Variants in DIAPH3 observed in about 807,000 individuals in gnomAD.
DIAPH3 encodes protein diaphanous homolog 3.
A neutral mutation model predicts 144.3 loss-of-function variants in DIAPH3; 117 were observed. The observed-to-expected ratio is 0.81, with a 90% CI of 0.70 to 0.95. The LOEUF is 0.95. DIAPH3 is among the 40% of genes least tolerant of loss of function. DIAPH3 has a pLI of 0.00. For missense variants in DIAPH3, 1,421 were observed against 1,412.7 expected, an observed-to-expected ratio of 1.01 and a Z score of -0.09; for synonymous variants, 519 against 488.9, an observed-to-expected ratio of 1.06 and a Z score of -0.81.
intron 9 of DIAPH3, among the ~76,000 whole-genome samples, chr13:59,995,993 G>C (rs964354061): frequency 2.0e-5 from 3 of 152,020 alleles, no homozygotes; most frequent in African/African-American, 7.2e-5. Context: ...AAAACCATAA[G>C]TGAGGTAGAA....
intron 17 of DIAPH3, 115 bp from the exon 18 acceptor site, chr13:59,924,985 A>T (rs878942333): frequency 1.4e-6 from 2 of 1,452,306 alleles, no homozygotes; most frequent in African/African-American, 2.9e-5. Context: ...CTTCTAAATA[A>T]AAGTTATAAA....
intron 25 of DIAPH3, among the ~76,000 whole-genome samples, chr13:59,779,043 C>A (rs565093744): frequency 2.8e-4 from 42 of 152,306 alleles, no homozygotes; most frequent in African/African-American, 9.9e-4. Flanking sequence ...TTCCAACCAT[C>A]CCAACCTGTT....
intron 5 of DIAPH3, among the ~76,000 whole-genome samples, chr13:60,027,201 T>C (rs2054434268): frequency 6.6e-6 from 1 of 152,186 alleles, no homozygotes; most frequent in African/African-American, 2.4e-5. Flanking sequence ...GCATGCCCTG[T>C]GGGGCAAGAC....
chr13:59,689,847 T>A (rs2033412137), intron 27 of DIAPH3, among the ~76,000 whole-genome samples: 1 of 151,786 alleles, frequency 6.6e-6, no homozygotes. Context: ...AGTAAGCTGA[T>A]CACAGAAAAC....
At chr13:59,815,783 C>G (rs982930962) in intron 24 of DIAPH3, among the ~76,000 whole-genome samples, 3 of 152,012 alleles carry the variant, frequency 2.0e-5, no homozygotes, top group African/African-American at 7.2e-5. Context: ...ATATATGCTA[C>G]TGATAATTTT....
At position 60,016,082 on chromosome 13, in the gene DIAPH3, A is replaced by C. The variant is rs977471413; in HGVS notation, c.690T>G (p.Ile230Met). ...TTAGCAATACTTACATTTTTCCACTAATCAGTTTTTCCAAAATGTCTAATA... is the reference window on the plus strand; with the variant it reads ...TTAGCAATACTTACATTTTTCCACTCATCAGTTTTTCCAAAATGTCTAATA... The part of the protein sequence containing the change: ...GLLLDILEKL[I>M]SGKIQEKVVK... The change falls in exon 6 of 28, where the codon ATT (isoleucine) becomes ATG (methionine). Residue 230 changes from isoleucine (I) to methionine (M), a missense_variant. Ile to Met is a conservative substitution (Grantham distance 10, BLOSUM62 1). Transcript: ENST00000400324. The C allele has an allele frequency of 6.2e-7, 1 of 1,613,524 alleles. No individual in the cohort carries two copies. Among genetic ancestry groups the C allele is most frequent in the Non-Finnish European group, 8.5e-7 (1 of 1,179,676 alleles).
intron 20 of DIAPH3, among the ~76,000 whole-genome samples, chr13:59,911,160 C>A (rs1221686609): frequency 6.6e-6 from 1 of 152,064 alleles, no homozygotes; most frequent in Admixed American, 6.6e-5. Context: ...TGATAAAAAT[C>A]TTAAAATTTT....
chr13:59,972,967 AT>A (rs1446629492), intron 15 of DIAPH3, among the ~76,000 whole-genome samples: 8 of 152,202 alleles, frequency 5.3e-5, no homozygotes, highest in South Asian at 2.1e-4. Context: ...AAATGCCCAC[AT>A]TTCATAAGAA....
At chr13:59,951,320 G>A (rs946326776) in intron 17 of DIAPH3, among the ~76,000 whole-genome samples, 10 of 152,206 alleles carry the variant, frequency 6.6e-5, no homozygotes, top group South Asian at 6.2e-4. Context: ...TGTGAAGGAC[G>A]TGTTTGCTTC....
intron 22 of DIAPH3, among the ~76,000 whole-genome samples, chr13:59,850,642 A>C (rs2042910104): frequency 6.6e-6 from 1 of 151,916 alleles, no homozygotes; most frequent in African/African-American, 2.4e-5. Flanking sequence ...GCGTATATTG[A>C]ACCAGCCTTG....
intron 22 of DIAPH3, among the ~76,000 whole-genome samples, chr13:59,850,697 A>C (rs1345729171): frequency 6.6e-6 from 1 of 152,056 alleles, no homozygotes; most frequent in Admixed American, 6.6e-5. Context: ...AGGGGATATC[A>C]CCACTGATCC....
At chr13:60,013,496 G>C (rs2140968696) in intron 7 of DIAPH3, 1 of 152,230 alleles carries the variant, frequency 6.6e-6, no homozygotes, top group Non-Finnish European at 1.5e-5. Context: ...TGAAGTCTCT[G>C]TTCTAATTAC....
intron 20 of DIAPH3, among the ~76,000 whole-genome samples, chr13:59,898,752 G>A (rs1483796531): frequency 6.6e-6 from 1 of 152,148 alleles, no homozygotes; most frequent in Non-Finnish European, 1.5e-5. Context: ...ATGAGTACTA[G>A]GGAGAAAAAT....
intron 27 of DIAPH3, among the ~76,000 whole-genome samples, chr13:59,716,179 C>CT (rs3050150): frequency 6.6e-6 from 1 of 151,506 alleles, no homozygotes; most frequent in Non-Finnish European, 1.5e-5. Flanking sequence ...ATCCAAGAAA[C>CT]TTATTTTTTT....
intron 17 of DIAPH3, among the ~76,000 whole-genome samples, chr13:59,965,611 T>A (rs1319996160): frequency 6.6e-6 from 1 of 152,078 alleles, no homozygotes; most frequent in Non-Finnish European, 1.5e-5. Flanking sequence ...ATATGAATAT[T>A]ATGATTAAAT....
chr13:59,778,407 G>A (rs1016304195), intron 25 of DIAPH3, among the ~76,000 whole-genome samples: 1 of 152,214 alleles, frequency 6.6e-6, no homozygotes, highest in Non-Finnish European at 1.5e-5. Context: ...CTATTATATA[G>A]AGAGTGTTCA....
At chr13:59,905,474 G>T (rs1275793254) in intron 20 of DIAPH3, among the ~76,000 whole-genome samples, 1 of 151,244 alleles carries the variant, frequency 6.6e-6, no homozygotes, top group Non-Finnish European at 1.5e-5. Flanking sequence ...ATTGTGAGAT[G>T]ATTTACATCT....
intron 3 of DIAPH3, among the ~76,000 whole-genome samples, chr13:60,096,417 AC>A (rs1408141073): frequency 6.6e-6 from 1 of 152,216 alleles, no homozygotes; most frequent in African/African-American, 2.4e-5. Context: ...CTTCATGATA[AC>A]ACCAGTTCAT....
At chr13:60,133,195 C>G (rs1444209113) in intron 1 of DIAPH3, among the ~76,000 whole-genome samples, 1 of 151,976 alleles carries the variant, frequency 6.6e-6, no homozygotes, top group Non-Finnish European at 1.5e-5. Flanking sequence ...GTTCCAAACA[C>G]TTACTAAAAT....
Sources: gnomAD v4.1 joint callset for allele counts (sites outside exome capture counted in the v4.1 genomes callset) on GRCh38, gnomAD v4.1.1 for gene constraint, MANE v1.5 for transcripts, NCBI Gene and HGNC (gene_info 2026-07-23, HGNC 2026-07-21) for gene names.